NAV2: variants seen among roughly 807,000 people sequenced by gnomAD.
NAV2 encodes neuron navigator 2, also known as helicase, APC down-regulated 1.
A neutral mutation model predicts 223.2 loss-of-function variants in NAV2; 54 were observed. The ratio of observed to expected loss-of-function variants is 0.24; its 90% confidence interval spans 0.19 to 0.30. The LOEUF (loss-of-function observed/expected upper bound fraction) is 0.30, where lower values mean the gene tolerates loss of function less well. NAV2 is among the 10% of genes least tolerant of loss of function. The pLI is 1.00. For missense variants in NAV2, 2,806 were observed against 3,147.5 expected (o/e 0.89, Z 2.60); for synonymous variants, 1,279 against 1,239.3 (o/e 1.03, Z -0.67).
chr11:19,613,405 A>G (rs2046698466), intron 1 of NAV2, among the ~76,000 whole-genome samples: 1 of 152,250 alleles, frequency 6.6e-6, no homozygotes, highest in East Asian at 1.9e-4. Context: ...CCCTACCACC[A>G]CCACTGCATC....
Position 20,096,224 on chromosome 11 carries a change from G to A in NAV2, c.6012+457G>A, listed in dbSNP as rs1404058807. On this transcript the variant is annotated intron_variant, in intron 30 of 37. Coordinates refer to ENST00000349880, the MANE Select transcript of NAV2 (RefSeq NM_145117.5). Reference sequence around the variant, plus strand: ...CTTCAGAGTCTTTGATTTGTTTTACGAGTGACATTAATGTCTGATCGATGG... The same window carrying A: ...CTTCAGAGTCTTTGATTTGTTTTACAAGTGACATTAATGTCTGATCGATGG... Among the ~76,000 whole-genome samples the A allele has an allele frequency of 4.6e-5, 7 of 152,264 alleles. No individual in the cohort carries two copies. The East Asian group carries it at 5.8e-4, about 13-fold the overall frequency.
chr11:19,518,638 T>C (rs1252967504), intron 1 of NAV2: 1 of 152,244 alleles, frequency 6.6e-6, no homozygotes, highest in Non-Finnish European at 1.5e-5. Flanking sequence ...CGCTTGATCA[T>C]TCAGCAAACA....
intron 2 of NAV2, among the ~76,000 whole-genome samples, chr11:19,833,731 A>G (rs2060076422): frequency 6.6e-6 from 1 of 152,214 alleles, no homozygotes; most frequent in African/African-American, 2.4e-5. Flanking sequence ...GCTGTTGCCC[A>G]GGGTTGCATT....
At chr11:19,461,253 C>T (rs1451055911) in intron 1 of NAV2, among the ~76,000 whole-genome samples, 1 of 152,136 alleles carries the variant, frequency 6.6e-6, no homozygotes, top group East Asian at 1.9e-4. Flanking sequence ...TCATCTCAGA[C>T]CCCGCCTCCC....
chr11:20,051,499 A>G (rs2058006965), intron 17 of NAV2, among the ~76,000 whole-genome samples, 166 bp downstream of exon 17: 2 of 150,908 alleles, frequency 1.3e-5, no homozygotes, highest in Admixed American at 1.3e-4. Context: ...TCTCGTTCTC[A>G]CTCTCCATTT....
intron 1 of NAV2, among the ~76,000 whole-genome samples, chr11:19,355,120 A>T (rs919785639): frequency 1.3e-5 from 2 of 152,306 alleles, no homozygotes; most frequent in East Asian, 3.9e-4. Flanking sequence ...AATTTTCCTG[A>T]CAGACACCTA....
intron 1 of NAV2, among the ~76,000 whole-genome samples, chr11:19,360,064 T>A (rs1853843908): frequency 6.6e-6 from 1 of 152,240 alleles, no homozygotes; most frequent in Non-Finnish European, 1.5e-5. Flanking sequence ...CATCTTGTTG[T>A]GCCTAGAAAC....
intron 4 of NAV2, among the ~76,000 whole-genome samples, chr11:19,878,625 G>A (rs749270119): frequency 3.3e-5 from 5 of 152,168 alleles, no homozygotes; most frequent in South Asian, 2.1e-4. Context: ...CTAGAAGTTC[G>A]TATTGTCAGT....
intron 26 of NAV2, among the ~76,000 whole-genome samples, chr11:20,087,285 C>T (rs984084881): frequency 5.3e-5 from 8 of 152,176 alleles, no homozygotes; most frequent in African/African-American, 1.2e-4. Context: ...CCAGAGGAAT[C>T]GGGTGGGGTT....
intron 1 of NAV2, among the ~76,000 whole-genome samples, chr11:19,560,319 C>T (rs150972352): frequency 3.0e-4 from 45 of 152,278 alleles, no homozygotes; most frequent in East Asian, 2.3e-3. Flanking sequence ...TTCCTGCCTG[C>T]GAGAAAACAA....
chr11:19,843,046 T>C, intron 3 of NAV2, 123 bp downstream of exon 3: 1 of 746,728 alleles, frequency 1.3e-6, no homozygotes. Flanking sequence ...ATTAATAAAC[T>C]CACAGCTATT....
intron 1 of NAV2, among the ~76,000 whole-genome samples, chr11:19,653,289 A>G (rs1006141624): frequency 2.6e-5 from 4 of 152,230 alleles, no homozygotes; most frequent in Non-Finnish European, 5.9e-5. Flanking sequence ...ATCTGCTCAC[A>G]CTAACTTAAT....
chr11:19,955,936 A>G lies in NAV2; in HGVS notation c.2645+6856A>G, dbSNP rs538348341. Among the ~76,000 whole-genome samples, 3 of 152,282 alleles carry G rather than the reference A, an allele frequency of 2.0e-5. No individual in the cohort carries two copies. In the East Asian group the frequency reaches 5.8e-4, roughly 29 times the overall value. Reference sequence around the variant, plus strand: ...AGGCTGTCCTGAAAGGCACTGATTTATGGCAGGTTCCAGCAGGGTGTGGCA... The same window carrying G: ...AGGCTGTCCTGAAAGGCACTGATTTGTGGCAGGTTCCAGCAGGGTGTGGCA... On this transcript the variant is annotated intron_variant, in intron 10 of 37. Coordinates refer to ENST00000349880, the MANE Select transcript of NAV2 (RefSeq NM_145117.5).
intron 11 of NAV2, among the ~76,000 whole-genome samples, chr11:19,996,993 GGA>G (rs1415986617): frequency 6.6e-6 from 1 of 152,096 alleles, no homozygotes; most frequent in African/African-American, 2.4e-5. Flanking sequence ...CCTGAGGTTT[GGA>G]GAGAGAGACT....
At chr11:19,417,645 C>A (rs139052795) in intron 1 of NAV2, among the ~76,000 whole-genome samples, 1 of 152,144 alleles carries the variant, frequency 6.6e-6, no homozygotes, top group Non-Finnish European at 1.5e-5. Flanking sequence ...CACATGCACA[C>A]GCATGTTTAT....
intron 20 of NAV2, among the ~76,000 whole-genome samples, chr11:20,064,090 A>G (rs954630087): frequency 2.6e-5 from 4 of 152,222 alleles, no homozygotes; most frequent in Non-Finnish European, 5.9e-5. Context: ...AAGGCTTTAT[A>G]TAGAGTAACC....
intron 25 of NAV2, 68 bp from the exon 26 acceptor site, chr11:20,082,939 G>C: frequency 2.1e-6 from 3 of 1,423,172 alleles, no homozygotes; most frequent in Non-Finnish European, 2.9e-6. Context: ...TTGTGTGCAT[G>C]TCTCTGTTTT....
At chr11:19,806,893 T>G (rs1471834701) in intron 1 of NAV2, among the ~76,000 whole-genome samples, 1 of 152,234 alleles carries the variant, frequency 6.6e-6, no homozygotes, top group Non-Finnish European at 1.5e-5. Flanking sequence ...TAGAGTGTGA[T>G]ATGATAGCTA....
At chr11:20,116,500 C>T (rs1370650745) in intron 37 of NAV2, among the ~76,000 whole-genome samples, 3 of 152,182 alleles carry the variant, frequency 2.0e-5, no homozygotes, top group Admixed American at 1.3e-4. Context: ...GCCAAAGTCA[C>T]GGAGGTATTT....
Sources: gnomAD v4.1 joint callset for allele counts (sites outside exome capture counted in the v4.1 genomes callset) on GRCh38, gnomAD v4.1.1 for gene constraint, MANE v1.5 for transcripts, NCBI Gene and HGNC (gene_info 2026-07-23, HGNC 2026-07-21) for gene names.